Variants in SMNDC1 observed in about 807,000 individuals in gnomAD.
SMNDC1 encodes survival of motor neuron-related-splicing factor 30.
SMNDC1 carries 5 observed loss-of-function variants against 29.2 expected under a neutral mutation model. The observed-to-expected ratio is 0.17, with a 90% CI of 0.09 to 0.36. The LOEUF (loss-of-function observed/expected upper bound fraction) is 0.36. Ranked by LOEUF, SMNDC1 falls within the 10% of genes least tolerant of loss-of-function variation. The probability of loss-of-function intolerance (pLI) is 1.00; values close to 1 mark genes in which losing one functional copy is unlikely to be tolerated. For missense variants in SMNDC1, 142 were observed against 268.5 expected (o/e 0.53, Z 3.29); for synonymous variants, 80 against 89.9 (o/e 0.89, Z 0.62).
intron 2 of SMNDC1, chr10:110,300,499 T>C (rs1857630142): frequency 3.2e-6 from 3 of 923,526 alleles, no homozygotes; most frequent in Non-Finnish European, 3.9e-6. Context: ...TGGACCAAAG[T>C]ATTAGAAAAA....
At chr10:110,297,476 A>G (rs762379506) in intron 4 of SMNDC1, 91 bp downstream of exon 4, 10 of 1,211,224 alleles carry the variant, frequency 8.3e-6, no homozygotes, top group Non-Finnish European at 1.2e-5. Context: ...CAGTATTACA[A>G]CTTTCTTATG....
intron 2 of SMNDC1, among the ~76,000 whole-genome samples, chr10:110,302,142 A>T (rs1335827159): frequency 6.6e-6 from 1 of 152,216 alleles, no homozygotes; most frequent in East Asian, 1.9e-4. Flanking sequence ...AGTGTAAGAA[A>T]ATAAGAGGTC....
Position 110,303,063 on chromosome 10 carries a change from G to T in SMNDC1, c.120+405C>A, listed in dbSNP as rs562583755. 1.1e-4 allele frequency among the ~76,000 whole-genome samples: 17 copies of T among 151,818 alleles called. No individual in the cohort carries two copies. In the East Asian group the frequency reaches 3.3e-3, roughly 29 times the overall value. On this transcript the variant is annotated intron_variant, in intron 2 of 5. Transcript: ENST00000369603. The stretch of plus-strand genomic sequence containing the variant: ...GCACGCATTTTCAAAGAATCTTGTG[G>T]TATTAAAAAGAATCTTAAGGTTCTA...
chr10:110,303,539 G>A lies in SMNDC1; in HGVS notation c.49C>T (p.Gln17Ter), dbSNP rs753621637. Residue 17 changes from glutamine (Q) to a stop codon, truncating the protein, a stop_gained, in exon 2 of 6, where the codon CAG (glutamine) becomes TAG (stop). Transcript: ENST00000369603. LOFTEE classifies it high-confidence loss of function. ...KQLASYKAQL[Q>*]QVEAALSGNG... ...CCAGATAATGCAGCTTCAACTTGCT[G>A]GAGCTGAGCTTTGTAGCTTGCCAGC... The A allele has an allele frequency of 6.3e-7, 1 of 1,580,752 alleles. No homozygotes were observed.
Position 110,291,052 on chromosome 10 carries a change from T to C in SMNDC1, c.*3098A>G, listed in dbSNP as rs776213691. The C allele has an allele frequency of 6.6e-6, 1 of 152,222 alleles. No individual in the cohort carries two copies. The highest frequency in any genetic ancestry group is 2.4e-5 in the African/African-American group (1 of 41,460). 9.4% of individuals were successfully genotyped at this position (152,222 alleles called of 1,614,324 possible). On this transcript the variant is annotated 3_prime_UTR_variant, in exon 6 of 6. Coordinates refer to ENST00000369603, the MANE Select transcript of SMNDC1 (RefSeq NM_005871.4). ...ACAACAAGCAATTTTTTAAAAAAAA[T>C]GTGTTGCTACAGTAACTGATGCATC...
At position 110,293,507 on chromosome 10, in the gene SMNDC1, A is replaced by G. The variant is rs1005717346; in HGVS notation, c.*643T>C. 4 of 152,278 alleles carry G rather than the reference A, an allele frequency of 2.6e-5. No homozygotes were observed. Among genetic ancestry groups the G allele is most frequent in the Non-Finnish European group, 5.9e-5 (4 of 68,026 alleles). 9.4% of individuals were successfully genotyped at this position (152,278 alleles called of 1,614,324 possible). On this transcript the variant is annotated 3_prime_UTR_variant, in exon 6 of 6. Transcript: ENST00000369603. ...AAAAAAGCAAACATACAAAAAACAA[A>G]AACACCTTAGAAAAGGGAGCTCATC...
intron 1 of SMNDC1, chr10:110,304,413 G>A (rs1857708954): frequency 6.6e-6 from 1 of 152,336 alleles, no homozygotes; most frequent in Admixed American, 6.5e-5. Context: ...GCCACAACTC[G>A]ATCATTCGGA....
At chr10:110,297,188 T>C (rs2134500343) in intron 4 of SMNDC1, among the ~76,000 whole-genome samples, 1 of 152,312 alleles carries the variant, frequency 6.6e-6, no homozygotes, top group East Asian at 1.9e-4. Context: ...TATAGCTCCT[T>C]TGTAATGTTT....
chr10:110,299,374 G>A (rs1857613161), intron 2 of SMNDC1, among the ~76,000 whole-genome samples: 1 of 152,152 alleles, frequency 6.6e-6, no homozygotes, highest in Non-Finnish European at 1.5e-5. Flanking sequence ...AAATTACCAG[G>A]TTAGATTTTA....
intron 2 of SMNDC1, among the ~76,000 whole-genome samples, chr10:110,299,347 A>G (rs1022604826): frequency 6.6e-6 from 1 of 152,080 alleles, no homozygotes; most frequent in African/African-American, 2.4e-5. Flanking sequence ...TGTAAAACTC[A>G]CCCCATCTGG....
At chr10:110,301,499 T>C (rs1857647992) in intron 2 of SMNDC1, among the ~76,000 whole-genome samples, 1 of 152,234 alleles carries the variant, frequency 6.6e-6, no homozygotes, top group African/African-American at 2.4e-5. Flanking sequence ...AGGAAAAACA[T>C]TCTGTTATTA....
chr10:110,299,445 AG>A (rs1170265811), intron 2 of SMNDC1, among the ~76,000 whole-genome samples: 1 of 152,188 alleles, frequency 6.6e-6, no homozygotes, highest in Non-Finnish European at 1.5e-5. Flanking sequence ...GGGGAAAAAA[AG>A]GTAACACACA....
intron 4 of SMNDC1, among the ~76,000 whole-genome samples, chr10:110,296,560 T>G (rs549800481): frequency 3.3e-5 from 5 of 152,300 alleles, no homozygotes; most frequent in South Asian, 2.1e-4. Flanking sequence ...ATATTGTTAA[T>G]TCTGCCTCTT....
At chr10:110,300,727 C>A in intron 2 of SMNDC1, 4 of 985,364 alleles carry the variant, frequency 4.1e-6, no homozygotes, top group Non-Finnish European at 4.8e-6. Flanking sequence ...TTCGGGGATG[C>A]AGAGAGCCAC....
chr10:110,304,272 ACCACGTTT>A (rs1446866174), intron 1 of SMNDC1: 1 of 152,238 alleles, frequency 6.6e-6, no homozygotes, highest in Non-Finnish European at 1.5e-5. Flanking sequence ...AAGCAAATGT[ACCACGTTT>A]CCGAGGACCC....
intron 3 of SMNDC1, among the ~76,000 whole-genome samples, chr10:110,298,027 C>CG (rs1696984423): frequency 6.6e-6 from 1 of 152,142 alleles, no homozygotes; most frequent in African/African-American, 2.4e-5. Flanking sequence ...GTCTCACTGT[C>CG]GCCCAGGCTG....
chr10:110,302,717 T>C (rs1857672116), intron 2 of SMNDC1, among the ~76,000 whole-genome samples: 3 of 152,128 alleles, frequency 2.0e-5, no homozygotes, highest in Admixed American at 2.0e-4. Flanking sequence ...TATTTGCAAA[T>C]TATATATGGC....
At chr10:110,302,671 G>C (rs1022991209) in intron 2 of SMNDC1, among the ~76,000 whole-genome samples, 2 of 152,058 alleles carry the variant, frequency 1.3e-5, no homozygotes, top group Non-Finnish European at 2.9e-5. Flanking sequence ...TAAAAATCAG[G>C]TTCAGAATTT....
chr10:110,297,676 T>C lies in SMNDC1; in HGVS notation c.316A>G (p.Ile106Val), dbSNP rs773920664. 1.9e-5 allele frequency: 31 copies of C among 1,613,908 alleles called. No individual in the cohort carries two copies. Among genetic ancestry groups the C allele is most frequent in the South Asian group, 1.5e-4 (14 of 91,086 alleles). Reference protein sequence around the residue: ...EIDEENGTAAITFAGYGNAEV... With the variant: ...EIDEENGTAAVTFAGYGNAEV... ...GCATTGCCATAACCAGCAAAGGTGATTGCAGCGGTGCCATTTTCTTCATCT... is the reference window on the plus strand; with the variant it reads ...GCATTGCCATAACCAGCAAAGGTGACTGCAGCGGTGCCATTTTCTTCATCT... Residue 106 changes from isoleucine to valine, a missense_variant, in exon 4 of 6, where the codon ATC becomes GTC. Ile to Val is a conservative substitution (Grantham distance 29). Transcript: ENST00000369603.
Sources: allele counts gnomAD v4.1 joint callset (sites outside exome capture counted in the v4.1 genomes callset), GRCh38; gene constraint gnomAD v4.1.1; transcripts MANE v1.5; gene names NCBI Gene and HGNC (gene_info 2026-07-23, HGNC 2026-07-21).